POMGNT1: variants seen among roughly 807,000 people sequenced by gnomAD.
The protein encoded by POMGNT1 is protein O-linked mannose N-acetylglucosaminyltransferase 1 (beta 1,2-), also known as protein O-linked-mannose beta-1,2-N-acetylglucosaminyltransferase 1.
Under a neutral mutation model 95.6 loss-of-function variants are expected in POMGNT1, and 67 were observed. The ratio of observed to expected loss-of-function variants is 0.70; its 90% CI spans 0.58 to 0.86. POMGNT1 has a LOEUF of 0.86. Ranked by LOEUF, POMGNT1 falls within the 40% of genes least tolerant of loss-of-function variation. POMGNT1 has a pLI of 0.00. For missense variants in POMGNT1, 719 were observed against 855.2 expected (o/e 0.84, Z 1.99); for synonymous variants, 298 against 317.9 (o/e 0.94, Z 0.66).
rs202028128 is a variant in POMGNT1, at chr1:46,189,573, G to A, written c.1786-6C>T. On this transcript the variant is annotated splice_region_variant and splice_polypyrimidine_tract_variant and intron_variant, in intron 20 of 21. Coordinates refer to ENST00000371984, the MANE Select transcript of POMGNT1 (RefSeq NM_017739.4). ...AGGTCCCAGATATGGAGGCACTAGT[G>A]AGGGTGGGATGGAGACAGAGACATG... 4.3e-5 allele frequency: 69 copies of A among 1,608,618 alleles called. No homozygotes were observed. The African/African-American group carries it at 8.4e-4, about 20-fold the overall frequency.
chr1:46,212,498 G>A (rs1230982657), intron 1 of POMGNT1, among the ~76,000 whole-genome samples: 4 of 151,940 alleles, frequency 2.6e-5, no homozygotes, highest in Admixed American at 2.0e-4. Flanking sequence ...AGCCAGGATG[G>A]TCTTGATCTC....
At chr1:46,198,213 C>A (rs763477186) in intron 1 of POMGNT1, 123 bp downstream of exon 1, 3 of 198,142 alleles carry the variant, frequency 1.5e-5, no homozygotes, top group African/African-American at 2.3e-5. Flanking sequence ...CAGTCTTCAA[C>A]CCTCGTCCCA....
upstream of POMGNT1, among the ~76,000 whole-genome samples, chr1:46,202,800 C>A (rs1264806859): frequency 6.8e-6 from 1 of 146,918 alleles, no homozygotes; most frequent in Non-Finnish European, 1.5e-5. Flanking sequence ...ATAATTCATA[C>A]GCACAGTCAA....
In POMGNT1 at chr1:46,194,368, T is replaced by C. The variant is rs967977058; in HGVS notation, c.785A>G (p.Asn262Ser). The C allele has an allele frequency of 6.2e-7, 1 of 1,614,166 alleles. No homozygotes were observed. The highest frequency in any genetic ancestry group is 1.1e-5 in the South Asian group (1 of 91,082). The change falls in exon 9 of 22, where the codon AAC becomes AGC. Residue 262 changes from asparagine to serine, a missense_variant. Asn to Ser is a conservative substitution (Grantham distance 46, BLOSUM62 1). Around this residue, in one of 5 missense-constraint regions of POMGNT1, gnomAD observed 466 missense variants for 517.4 expected, o/e 0.90. Coordinates refer to ENST00000371984, the MANE Select transcript of POMGNT1 (RefSeq NM_017739.4). ...GCTGCAGAAGCGCCGGCGGCGACGG[T>C]TCAGCTCTGTGTCTGCCCAGTGGCA... ...AECHWADTEL[N>S]RRRRRFCSKV...
At chr1:46,190,293 C>G in intron 19 of POMGNT1, 180 bp downstream of exon 19, 1 of 815,392 alleles carries the variant, frequency 1.2e-6, no homozygotes, top group African/African-American at 1.7e-5. Flanking sequence ...ATCCACCCAC[C>G]TCGGCCTCCC....
Position 46,196,196 on chromosome 1 carries a change from A to C in POMGNT1, c.355-119T>G. 6.4e-7 allele frequency: 1 copy of C among 1,561,292 alleles called. No homozygotes were observed. The highest frequency in any genetic ancestry group is 8.6e-7 in the Non-Finnish European group (1 of 1,157,044). On this transcript the variant is annotated intron_variant, in intron 4 of 21. Coordinates refer to ENST00000371984, the MANE Select transcript of POMGNT1 (RefSeq NM_017739.4). This position sits in a 1 kb window ranked among gnomAD's most constrained non-coding sequence, Gnocchi z 4.4. ...TCACCTCCTGCCTATGTTTCTGTTC[A>C]CACAGTTCTTTTCCAACTCAGCTCG... is the stretch of plus-strand genomic sequence containing the variant.
chr1:46,207,428 T>C (rs969443811), intron 1 of POMGNT1, among the ~76,000 whole-genome samples: 1 of 152,076 alleles, frequency 6.6e-6, no homozygotes, highest in Non-Finnish European at 1.5e-5. Context: ...TCCCTTATCC[T>C]AGGAAGCATT....
chr1:46,196,111 A>T lies in POMGNT1; in HGVS notation c.355-34T>A. The T allele has an allele frequency of 3.7e-6, 6 of 1,613,432 alleles. No individual in the cohort carries two copies. Among genetic ancestry groups the T allele is most frequent in the Non-Finnish European group, 5.1e-6 (6 of 1,179,980 alleles). ...TGGCAGAGACAAAGTCCAGCTTTTC[A>T]CTCTGGCATTCAAGGTGTCTCTGTC... On this transcript the variant is annotated intron_variant, in intron 4 of 21. Coordinates refer to ENST00000371984, the MANE Select transcript of POMGNT1 (RefSeq NM_017739.4). The surrounding 1 kb of genome is among the most constrained non-coding windows in gnomAD (Gnocchi z 4.4).
intron 1 of POMGNT1, among the ~76,000 whole-genome samples, chr1:46,216,181 A>G (rs1036199176): frequency 2.0e-5 from 3 of 148,072 alleles, no homozygotes; most frequent in Admixed American, 6.8e-5. Flanking sequence ...CGAGTAGCTG[A>G]GACTACAGGC....
intron 1 of POMGNT1, among the ~76,000 whole-genome samples, chr1:46,207,664 G>C (rs912101538): frequency 6.6e-6 from 1 of 151,346 alleles, no homozygotes; most frequent in Non-Finnish European, 1.5e-5. Context: ...TCAGCCTCCC[G>C]AGTAGCTGGG....
At chr1:46,205,140 C>A (rs1658670833) in intron 1 of POMGNT1, among the ~76,000 whole-genome samples, 1 of 152,120 alleles carries the variant, frequency 6.6e-6, no homozygotes, top group African/African-American at 2.4e-5. Flanking sequence ...TGCCTGTAGT[C>A]CTAGCTACTC....
intron 2 of POMGNT1, chr1:46,197,350 G>C (rs1658330283): frequency 2.7e-6 from 4 of 1,481,260 alleles, no homozygotes; most frequent in Non-Finnish European, 3.6e-6. Flanking sequence ...TGATTTCCTT[G>C]GTCCCCTCCA....
At chr1:46,206,047 C>G (rs1393434400) in intron 1 of POMGNT1, among the ~76,000 whole-genome samples, 2 of 152,192 alleles carry the variant, frequency 1.3e-5, no homozygotes, top group African/African-American at 4.8e-5. Flanking sequence ...GTGAACAAGC[C>G]AGACTGGGAT....
chr1:46,220,275 TC>T, exon 1 of POMGNT1: 2 of 1,511,400 alleles, frequency 1.3e-6, no homozygotes, highest in Non-Finnish European at 1.8e-6. Context: ...AGATGTGGTC[TC>T]CCCCAAAATT....
intron 19 of POMGNT1, 147 bp downstream of exon 19, chr1:46,190,326 G>A (rs767263957): frequency 1.8e-6 from 2 of 1,092,204 alleles, no homozygotes; most frequent in Non-Finnish European, 2.8e-6. Context: ...TTACAGGCGT[G>A]AGCCACCGCG....
chr1:46,220,078 G>T (rs1227218000), exon 1 of POMGNT1: 3 of 1,614,142 alleles, frequency 1.9e-6, no homozygotes, highest in Non-Finnish European at 2.5e-6. Context: ...ACCAGGCTAG[G>T]GAGCTTGAGA....
chr1:46,205,502 ATCTT>A (rs1557682654), intron 1 of POMGNT1, among the ~76,000 whole-genome samples: 2 of 152,240 alleles, frequency 1.3e-5, no homozygotes, highest in Admixed American at 1.3e-4. Flanking sequence ...CATTTCTCCC[ATCTT>A]ACAGATAAAA....
chr1:46,195,750 G>A (rs756497138), intron 6 of POMGNT1, 61 bp downstream of exon 6: 39 of 1,447,206 alleles, frequency 2.7e-5, no homozygotes, highest in Middle Eastern at 2.4e-4. Context: ...CAGAGAAGCC[G>A]GGGCTAGAAG....
intron 1 of POMGNT1, chr1:46,219,585 C>A: frequency 8.5e-7 from 1 of 1,171,224 alleles, no homozygotes; most frequent in Non-Finnish European, 1.2e-6. Flanking sequence ...CGTTATAATT[C>A]CATCCGTCTT....
Sources: allele counts gnomAD v4.1 joint callset (sites outside exome capture counted in the v4.1 genomes callset), GRCh38; gene constraint gnomAD v4.1.1; regional missense constraint gnomAD v4.1.1; non-coding constraint Gnocchi (gnomAD v3.1); transcripts MANE v1.5; gene names NCBI Gene and HGNC (gene_info 2026-07-23, HGNC 2026-07-21).